TRIO: variants seen among roughly 807,000 people sequenced by gnomAD.
TRIO encodes trio Rho guanine nucleotide exchange factor, also known as triple functional domain protein.
TRIO carries 58 observed loss-of-function variants against 351.9 expected under a neutral mutation model. The ratio of observed to expected loss-of-function variants is 0.16; its 90% CI spans 0.13 to 0.21. The LOEUF (loss-of-function observed/expected upper bound fraction) is 0.21, where lower values mean the gene tolerates loss of function less well. Ranked by LOEUF, TRIO falls within the 10% of genes least tolerant of loss-of-function variation. The pLI, the probability that TRIO is intolerant of heterozygous loss-of-function variation, is 1.00. For synonymous variants in TRIO, 1,758 were observed against 1,595.7 expected (o/e 1.10, Z -2.42); for missense variants, 3,201 against 4,027.8 (o/e 0.79, Z 5.56).
intron 1 of TRIO, among the ~76,000 whole-genome samples, chr5:14,205,430 C>A (rs1433324074): frequency 2.0e-5 from 3 of 152,136 alleles, no homozygotes; most frequent in African/African-American, 7.2e-5. Context: ...AGTAATGTTA[C>A]AAGTCAATAC....
chr5:14,489,697 C>T (rs1261563691), intron 48 of TRIO, among the ~76,000 whole-genome samples: 1 of 152,224 alleles, frequency 6.6e-6, no homozygotes, highest in Non-Finnish European at 1.5e-5. Flanking sequence ...GAGCCAATGC[C>T]AGTCTTCTCT....
chr5:14,480,068 G>A, intron 43 of TRIO, 57 bp downstream of exon 43: 1 of 1,524,044 alleles, frequency 6.6e-7, no homozygotes, highest in East Asian at 2.3e-5. Context: ...GAGAAAATAA[G>A]ACTCAGTTGG....
intron 28 of TRIO, among the ~76,000 whole-genome samples, chr5:14,394,789 A>G (rs1747420435): frequency 6.6e-6 from 1 of 152,242 alleles, no homozygotes; most frequent in African/African-American, 2.4e-5. Flanking sequence ...ATTAGTCTTG[A>G]CAATAGAAAG....
chr5:14,193,418 C>T (rs1790567564), intron 1 of TRIO, among the ~76,000 whole-genome samples: 1 of 152,110 alleles, frequency 6.6e-6, no homozygotes, highest in Admixed American at 6.5e-5. Context: ...AATAAATTGA[C>T]CATATTTTCT....
intron 38 of TRIO, among the ~76,000 whole-genome samples, chr5:14,471,963 T>G (rs900155134): frequency 2.0e-5 from 3 of 151,726 alleles, no homozygotes; most frequent in African/African-American, 7.3e-5. Context: ...ACTGGGTGTT[T>G]TATTCAGCAC....
chr5:14,219,739 G>C (rs866889633), intron 1 of TRIO, among the ~76,000 whole-genome samples: 9 of 152,216 alleles, frequency 5.9e-5, no homozygotes, highest in South Asian at 2.1e-4. Flanking sequence ...TAGGGTTCAG[G>C]GTTCACTTTT....
intron 9 of TRIO, among the ~76,000 whole-genome samples, chr5:14,317,778 G>A (rs1739499338): frequency 1.3e-5 from 2 of 152,088 alleles, no homozygotes; most frequent in East Asian, 1.9e-4. Context: ...ATCGCTTGAC[G>A]CCAGGAGTTT....
At chr5:14,226,182 C>A (rs1793012190) in intron 1 of TRIO, among the ~76,000 whole-genome samples, 1 of 152,188 alleles carries the variant, frequency 6.6e-6, no homozygotes. Context: ...GGTGGGTCTT[C>A]ATGGGACCAG....
At chr5:14,151,987 CCT>C (rs56401844) in intron 1 of TRIO, among the ~76,000 whole-genome samples, 4 of 152,132 alleles carry the variant, frequency 2.6e-5, no homozygotes, top group Non-Finnish European at 5.9e-5. Flanking sequence ...AGCTACAATT[CCT>C]CTGTTTTTTA....
chr5:14,203,025 C>G (rs1791230809), intron 1 of TRIO, among the ~76,000 whole-genome samples: 1 of 151,978 alleles, frequency 6.6e-6, no homozygotes, highest in African/African-American at 2.4e-5. Flanking sequence ...ATCGTTTGAG[C>G]CATGATAAGT....
intron 20 of TRIO, 130 bp from the exon 21 acceptor site, chr5:14,381,000 C>G (rs1746053993): frequency 7.9e-7 from 1 of 1,271,014 alleles, no homozygotes; most frequent in Non-Finnish European, 1.1e-6. Flanking sequence ...ACTTGCCTCT[C>G]TGGGAGGGAA....
intron 10 of TRIO, among the ~76,000 whole-genome samples, chr5:14,332,828 A>T (rs1476674633): frequency 6.6e-6 from 1 of 152,212 alleles, no homozygotes; most frequent in Non-Finnish European, 1.5e-5. Flanking sequence ...CGCTGTGATG[A>T]GAATACATGT....
At chr5:14,287,625 C>A (rs2152282280) in intron 4 of TRIO, among the ~76,000 whole-genome samples, 1 of 152,242 alleles carries the variant, frequency 6.6e-6, no homozygotes, top group African/African-American at 2.4e-5. Context: ...CAAGACAAAA[C>A]CCTCAGCCCA....
Position 14,419,953 on chromosome 5 carries a change from C to T in TRIO, c.5135C>T (p.Pro1712Leu), listed in dbSNP as rs1749977574. The T allele has an allele frequency of 6.2e-7, 1 of 1,614,096 alleles. No individual in the cohort carries two copies. The highest frequency in any genetic ancestry group is 1.3e-5 in the African/African-American group (1 of 74,946). Reference protein sequence around the residue: ...DRSPAAEGLVPCGSLCIAHSR... With the variant: ...DRSPAAEGLVLCGSLCIAHSR... ...TCCCCAGCGGCAGAAGGCCTGGTCC[C>T]CTGTGGTTCACTGTGCATCGCCCAC... is the stretch of plus-strand genomic sequence containing the variant. Residue 1712 changes from proline (P) to leucine (L), a missense_variant, in exon 34 of 57, where the codon CCC (proline) becomes CTC (leucine). Around this residue, in one of 19 missense-constraint regions of TRIO, gnomAD observed 193 missense variants for 218.8 expected, o/e 0.88. Coordinates refer to ENST00000344204, the MANE Select transcript of TRIO (RefSeq NM_007118.4).
chr5:14,174,918 A>G (rs888867580), intron 1 of TRIO, among the ~76,000 whole-genome samples: 1 of 152,202 alleles, frequency 6.6e-6, no homozygotes, highest in Admixed American at 6.5e-5. Flanking sequence ...ATCGACATTA[A>G]TTATTACAGA....
intron 1 of TRIO, among the ~76,000 whole-genome samples, chr5:14,173,232 T>A (rs1485665492): frequency 6.7e-6 from 1 of 149,526 alleles, no homozygotes; most frequent in Non-Finnish European, 1.5e-5. Flanking sequence ...AGGGAGGATT[T>A]ATTTTTTTGA....
At chr5:14,403,100 G>A (rs1461405380) in intron 31 of TRIO, among the ~76,000 whole-genome samples, 1 of 141,460 alleles carries the variant, frequency 7.1e-6, no homozygotes, top group Non-Finnish European at 1.5e-5. Flanking sequence ...GTGGTGGTGA[G>A]GGCATAGGTT....
intron 34 of TRIO, chr5:14,420,621 T>TG (rs1196124198): frequency 1.3e-5 from 2 of 153,286 alleles, no homozygotes; most frequent in Non-Finnish European, 2.9e-5. Flanking sequence ...CCATTTCTGG[T>TG]GAAGCTGCCC....
chr5:14,326,472 G>A (rs1477905974), intron 9 of TRIO, among the ~76,000 whole-genome samples: 1 of 152,222 alleles, frequency 6.6e-6, no homozygotes, highest in African/African-American at 2.4e-5. Flanking sequence ...TTGTCCATTA[G>A]AGGGCACTGG....
Sources: allele counts gnomAD v4.1 joint callset (sites outside exome capture counted in the v4.1 genomes callset), GRCh38; gene constraint gnomAD v4.1.1; regional missense constraint gnomAD v4.1.1; transcripts MANE v1.5; gene names NCBI Gene and HGNC (gene_info 2026-07-23, HGNC 2026-07-21).